Variants in RGS22 observed in about 807,000 individuals in gnomAD.
RGS22 encodes the protein regulator of G protein signaling 22.
A neutral mutation model predicts 172.9 loss-of-function variants in RGS22; 148 were observed. The ratio of observed to expected loss-of-function variants is 0.86; its 90% CI spans 0.75 to 0.98. The LOEUF (loss-of-function observed/expected upper bound fraction) is 0.98, where lower values mean the gene tolerates loss of function less well. Among genes scored for constraint, RGS22 ranks in the 50% least tolerant of loss-of-function variants. RGS22 has a pLI of 0.00. For missense variants in RGS22, 1,347 were observed against 1,440.8 expected (o/e 0.93, Z 1.05); for synonymous variants, 458 against 480.2 (o/e 0.95, Z 0.60).
chr8:99,969,053 C>G (rs1271657191), intron 23 of RGS22, among the ~76,000 whole-genome samples: 1 of 152,094 alleles, frequency 6.6e-6, no homozygotes, highest in Non-Finnish European at 1.5e-5. Context: ...GCAGAAACCC[C>G]ATAGGGTAAG....
rs533304794 is a variant in RGS22, at chr8:100,081,025, T to C, written c.118-670A>G. Among the ~76,000 whole-genome samples the C allele has an allele frequency of 2.4e-3, 368 of 152,250 alleles. 2 individuals carry two copies. Among genetic ancestry groups the C allele is most frequent in the African/African-American group, 8.6e-3 (356 of 41,560 alleles). On this transcript the variant is annotated intron_variant, in intron 3 of 27. Coordinates refer to ENST00000360863, the MANE Select transcript of RGS22 (RefSeq NM_015668.5). The stretch of plus-strand genomic sequence containing the variant: ...GACTCTAGGTAAATCACTGAACATT[T>C]TTGGGGCCTCCACTTCCGTAAGAAG...
intron 20 of RGS22, among the ~76,000 whole-genome samples, chr8:99,992,908 C>T (rs1255327418): frequency 2.0e-5 from 3 of 152,198 alleles, no homozygotes; most frequent in Non-Finnish European, 4.4e-5. Context: ...GAAATCACAA[C>T]AAACTGTCTC....
intron 23 of RGS22, among the ~76,000 whole-genome samples, chr8:99,970,808 G>A (rs1230472003): frequency 2.0e-5 from 3 of 152,140 alleles, no homozygotes; most frequent in African/African-American, 7.2e-5. Context: ...GTACAAAGAG[G>A]AGGTGGTACC....
chr8:100,051,162 T>C (rs1464854433), intron 10 of RGS22, among the ~76,000 whole-genome samples: 1 of 151,684 alleles, frequency 6.6e-6, no homozygotes, highest in African/African-American at 2.4e-5. Context: ...AAGAGTGCTC[T>C]AAGCAAGGCA....
chr8:100,096,772 G>C (rs974951224), intron 2 of RGS22, among the ~76,000 whole-genome samples: 2 of 148,954 alleles, frequency 1.3e-5, no homozygotes, highest in African/African-American at 5.0e-5. Context: ...ACCTCCCGAA[G>C]TGCTGGGATT....
In RGS22 at chr8:100,066,237, T is replaced by C. The variant is rs1276734784; in HGVS notation, c.654A>G (p.Val218=). 2 of 1,613,258 alleles carry C rather than the reference T, an allele frequency of 1.2e-6. No homozygotes were observed. The highest frequency in any genetic ancestry group is 1.7e-5 in the Admixed American group (1 of 59,998). ...CACAACAGGGTAACGAAAAGGTTGATACTGTTTGCTGACTTTGTTTTGCTA... is the reference window on the plus strand; with the variant it reads ...CACAACAGGGTAACGAAAAGGTTGACACTGTTTGCTGACTTTGTTTTGCTA... ...FALAKQSQQT[V]STFSLPCCVP... is the part of the protein sequence containing the mutation. The change falls in exon 7 of 28, where the codon GTA becomes GTG. Residue 218 remains valine (V), a synonymous_variant. Transcript: ENST00000360863.
At chr8:100,054,604 A>T (rs534344191) in intron 9 of RGS22, among the ~76,000 whole-genome samples, 24 of 152,308 alleles carry the variant, frequency 1.6e-4, no homozygotes, top group East Asian at 9.6e-4. Context: ...AAGAAAATTT[A>T]AAAAATTTTA....
rs1434037876 is a variant in RGS22 at position 100,006,047 on chromosome 8, C to A, written c.2424G>T (p.Leu808Phe). 1 of 1,613,094 alleles carries A rather than the reference C, an allele frequency of 6.2e-7. No individual in the cohort carries two copies. The highest frequency in any genetic ancestry group is 8.5e-7 in the Non-Finnish European group (1 of 1,179,580). ...CTTTCTTGGAAAATGTCTCTTTATG[C>A]AAAGCCTGTAGCTTTCTGAAGTATG... ...DSTYFRKLQA[L>F]HKETFSKKAE... Residue 808 changes from leucine to phenylalanine, a missense_variant, in exon 16 of 28, where the codon TTG (leucine) becomes TTT (phenylalanine). Coordinates refer to ENST00000360863, the MANE Select transcript of RGS22 (RefSeq NM_015668.5).
intron 24 of RGS22, among the ~76,000 whole-genome samples, chr8:99,963,468 TA>T (rs1370549904): frequency 2.0e-5 from 3 of 152,190 alleles, no homozygotes; most frequent in African/African-American, 7.2e-5. Flanking sequence ...AATCAAGTTT[TA>T]GGGGGAGAGT....
At position 100,092,371 on chromosome 8, in the gene RGS22, T is replaced by A. The variant is rs181821224; in HGVS notation, c.117+1076A>T. Among the ~76,000 whole-genome samples, 247 of 152,322 alleles carry A rather than the reference T, an allele frequency of 1.6e-3. 1 individual carries two copies. Among genetic ancestry groups the A allele is most frequent in the African/African-American group, 5.6e-3 (232 of 41,580 alleles). ...CCCCAATTCCTTAATGTGGTTTGAA[T>A]GTGTCCCCCAAATTTAATGTGTTGA... On this transcript the variant is annotated intron_variant, in intron 3 of 27. Transcript: ENST00000360863.
At chr8:100,023,936 A>G (rs1183640540) in intron 14 of RGS22, 1 of 152,624 alleles carries the variant, frequency 6.6e-6, no homozygotes, top group Non-Finnish European at 1.5e-5. Flanking sequence ...TGCTGCTCCA[A>G]TACAATTTAT....
intron 18 of RGS22, among the ~76,000 whole-genome samples, chr8:100,001,453 C>T (rs1448786119): frequency 2.6e-5 from 4 of 151,864 alleles, no homozygotes; most frequent in East Asian, 1.9e-4. Flanking sequence ...AGGCTGGTCT[C>T]GAACTCCTGA....
chr8:99,963,071 AT>A, intron 24 of RGS22, 93 bp from the exon 25 acceptor site: 2 of 1,015,444 alleles, frequency 2.0e-6, no homozygotes, highest in Non-Finnish European at 2.8e-6. Flanking sequence ...CTTCATTTAA[AT>A]TTTTATTAAA....
In RGS22 at chr8:100,063,562, A is replaced by AATAC. The variant is rs774278503; in HGVS notation, c.1202_1205dup (p.Ile402MetfsTer5). ...TGCCAATGTCATAAGTCCTATGAGAAATACACCAGTCCGCCCTGCTCTCTG... is the reference window on the plus strand; with the variant it reads ...TGCCAATGTCATAAGTCCTATGAGAAATACATACACCAGTCCGCCCTGCTCTCTG... On this transcript the variant is annotated frameshift_variant, in exon 8 of 28. Transcript: ENST00000360863. LOFTEE classifies it high-confidence loss of function. 6.2e-7 allele frequency: 1 copy of AATAC among 1,614,102 alleles called. No homozygotes were observed. Among genetic ancestry groups the AATAC allele is most frequent in the East Asian group, 2.2e-5 (1 of 44,866 alleles).
At chr8:99,998,014 A>G (rs1035274666) in intron 19 of RGS22, among the ~76,000 whole-genome samples, 3 of 152,204 alleles carry the variant, frequency 2.0e-5, no homozygotes, top group Admixed American at 6.5e-5. Context: ...GTTTTGTTCA[A>G]TAAATGACAT....
intron 10 of RGS22, 136 bp from the exon 11 acceptor site, chr8:100,047,732 A>T (rs1292804435): frequency 1.9e-5 from 14 of 731,792 alleles, no homozygotes. Context: ...CCAATAAAAT[A>T]GAAATTTTTT....
chr8:100,073,467 C>A (rs186563657), intron 4 of RGS22, among the ~76,000 whole-genome samples: 121 of 152,014 alleles, frequency 8.0e-4, no homozygotes, highest in Middle Eastern at 3.4e-3. Flanking sequence ...TTTGCCTTCA[C>A]CAAACACTAT....
At position 100,039,828 on chromosome 8, in the gene RGS22, T is replaced by C. The variant is rs1018349696; in HGVS notation, c.2064+134A>G. 17 of 490,850 alleles carry C rather than the reference T, an allele frequency of 3.5e-5. No homozygotes were observed. In the Admixed American group the frequency reaches 6.0e-4, roughly 17 times the overall value. 30.4% of individuals were successfully genotyped at this position (490,850 alleles called of 1,614,324 possible). On this transcript the variant is annotated intron_variant, in intron 13 of 27. Coordinates refer to ENST00000360863, the MANE Select transcript of RGS22 (RefSeq NM_015668.5). ...GAGATGCTTAAATATTTACTAAATA[T>C]TAAATATGAATTTTCTTATCACAGA...
At chr8:100,063,387 A>G (rs768071700) in intron 8 of RGS22, 29 bp downstream of exon 8, 6 of 1,449,244 alleles carry the variant, frequency 4.1e-6, no homozygotes, top group Non-Finnish European at 5.5e-6. Flanking sequence ...TGTTTTTAAA[A>G]CTATTGAAAA....
Sources: allele counts gnomAD v4.1 joint callset (sites outside exome capture counted in the v4.1 genomes callset), GRCh38; gene constraint gnomAD v4.1.1; transcripts MANE v1.5; gene names NCBI Gene and HGNC (gene_info 2026-07-23, HGNC 2026-07-21).